The following DGCR2 variants were observed in gnomAD, a reference collection of about 807,000 sequenced individuals.
The protein encoded by DGCR2 is integral membrane protein DGCR2/IDD.
DGCR2 carries 24 observed loss-of-function variants against 51.6 expected under a neutral mutation model. That is an observed-to-expected ratio of 0.47 (90% CI 0.34 to 0.65). The LOEUF is 0.65. Ranked by LOEUF, DGCR2 falls within the 30% of genes least tolerant of loss-of-function variation. DGCR2 has a pLI of 0.01. For missense variants in DGCR2, 765 were observed against 772.1 expected (o/e 0.99, Z 0.11); for synonymous variants, 340 against 315.4 (o/e 1.08, Z -0.82).
At chr22:19,112,265 T>TC (rs1419614155) in intron 1 of DGCR2, among the ~76,000 whole-genome samples, 1 of 127,236 alleles carries the variant, frequency 7.9e-6, no homozygotes, top group African/African-American at 3.2e-5. Context: ...ACAGCAAGAC[T>TC]CCATCTTTTA....
At chr22:19,063,051 G>T (rs112644468) in intron 5 of DGCR2, 151 bp downstream of exon 5, 2 of 679,892 alleles carry the variant, frequency 2.9e-6, no homozygotes, top group South Asian at 1.8e-5. Context: ...CTGGCCCCAT[G>T]ACCGCAGCCC....
In DGCR2 at chr22:19,042,015, G is replaced by A. The variant is rs1047631212; in HGVS notation, c.1007-56C>T. On this transcript the variant is annotated intron_variant, in intron 7 of 9. Coordinates refer to ENST00000263196, the MANE Select transcript of DGCR2 (RefSeq NM_005137.3). ...GAGAAGGGGGCCACCCTCGTGCTAC[G>A]CTGGGGATGCTGTCGTCCTCCTGCC... is the stretch of plus-strand genomic sequence containing the variant. 2.0e-5 allele frequency: 31 copies of A among 1,559,394 alleles called. 1 individual carries two copies. The South Asian group carries it at 2.3e-4, about 11-fold the overall frequency.
At chr22:19,122,097 GC>G (rs1200330311) in intron 1 of DGCR2, 30 bp downstream of exon 1, 3 of 1,453,642 alleles carry the variant, frequency 2.1e-6, no homozygotes, top group Non-Finnish European at 2.7e-6. Flanking sequence ...TCGCCGCCCA[GC>G]CCCCACACCG....
chr22:19,089,851 G>A (rs1006044144), intron 1 of DGCR2, among the ~76,000 whole-genome samples: 1 of 152,240 alleles, frequency 6.6e-6, no homozygotes, highest in Admixed American at 6.5e-5. Context: ...GAAGTGCCAG[G>A]ATTACAGGCA....
At chr22:19,063,319 G>T (rs759637237) in intron 4 of DGCR2, 41 bp from the exon 5 acceptor site, 2 of 1,579,176 alleles carry the variant, frequency 1.3e-6, no homozygotes, top group South Asian at 1.1e-5. Context: ...TCAGCGGCAG[G>T]AGGGATGCAA....
At chr22:19,095,410 C>A (rs1025112409) in intron 1 of DGCR2, among the ~76,000 whole-genome samples, 1 of 151,990 alleles carries the variant, frequency 6.6e-6, no homozygotes, top group African/African-American at 2.4e-5. Flanking sequence ...ACCTGTAATC[C>A]CAGCACTTTG....
intron 1 of DGCR2, among the ~76,000 whole-genome samples, chr22:19,100,731 A>G (rs2083192611): frequency 6.6e-6 from 1 of 151,878 alleles, no homozygotes; most frequent in Non-Finnish European, 1.5e-5. Flanking sequence ...ACCTTAATAC[A>G]CTTAAAATTA....
intron 3 of DGCR2, among the ~76,000 whole-genome samples, chr22:19,065,453 G>A (rs2082737755): frequency 6.6e-6 from 1 of 152,184 alleles, no homozygotes; most frequent in Non-Finnish European, 1.5e-5. Context: ...TCCGCTGCCA[G>A]CTAGCTCACT....
chr22:19,069,868 G>C (rs189687195), intron 2 of DGCR2, among the ~76,000 whole-genome samples: 65 of 152,232 alleles, frequency 4.3e-4, no homozygotes, highest in Admixed American at 1.2e-3. Context: ...GTTGCTATTC[G>C]ACTGGGAATC....
intron 2 of DGCR2, among the ~76,000 whole-genome samples, chr22:19,068,779 T>C (rs1024378029): frequency 3.3e-5 from 5 of 152,246 alleles, no homozygotes; most frequent in African/African-American, 1.2e-4. Context: ...GTCTGGCTCT[T>C]TGGTGCTTGG....
At chr22:19,056,562 A>ACAC (rs1489358887) in intron 6 of DGCR2, 2 of 359,262 alleles carry the variant, frequency 5.6e-6, no homozygotes, top group East Asian at 1.2e-4. Flanking sequence ...AATAAAAAAA[A>ACAC]AAAAACACAC....
intron 2 of DGCR2, among the ~76,000 whole-genome samples, chr22:19,081,925 C>T (rs1178444774): frequency 2.0e-5 from 3 of 152,182 alleles, no homozygotes; most frequent in Non-Finnish European, 2.9e-5. Context: ...TCACCATCTA[C>T]GAAATGCTTT....
chr22:19,111,762 G>C (rs2083316554), intron 1 of DGCR2, among the ~76,000 whole-genome samples: 1 of 152,166 alleles, frequency 6.6e-6, no homozygotes, highest in South Asian at 2.1e-4. Flanking sequence ...CTGGTGGAAT[G>C]AGACCCTGTT....
At chr22:19,087,511 G>A (rs2083030436) in intron 2 of DGCR2, among the ~76,000 whole-genome samples, 1 of 152,064 alleles carries the variant, frequency 6.6e-6, no homozygotes, top group Non-Finnish European at 1.5e-5. Flanking sequence ...TGCCTCAGCT[G>A]GGATTACAGG....
rs1333824776 is a variant in DGCR2 at position 19,037,755 on chromosome 22, G to A, written c.*1110C>T. ...CAACAAAACCACTGCCCAGGAGCAG[G>A]CAACAGGGTCCGTCAGGCAAAAGGG... is the stretch of plus-strand genomic sequence containing the variant. On this transcript the variant is annotated 3_prime_UTR_variant, in exon 10 of 10. Transcript: ENST00000263196. 1 of 152,474 alleles carries A rather than the reference G, an allele frequency of 6.6e-6. No individual in the cohort carries two copies. Among genetic ancestry groups the A allele is most frequent in the African/African-American group, 2.4e-5 (1 of 41,454 alleles). The allele number at this position is 152,474 out of a possible 1,614,324, so 9.4% of individuals were successfully genotyped here.
intron 6 of DGCR2, among the ~76,000 whole-genome samples, chr22:19,051,520 G>A (rs1300075381): frequency 1.3e-5 from 2 of 152,112 alleles, no homozygotes; most frequent in Admixed American, 6.5e-5. Flanking sequence ...TAGGAGTTGC[G>A]TTTGAAGCCA....
chr22:19,090,877 C>T (rs2083070757), intron 1 of DGCR2, among the ~76,000 whole-genome samples: 2 of 151,758 alleles, frequency 1.3e-5, no homozygotes, highest in South Asian at 4.2e-4. Flanking sequence ...TTTAATTAAA[C>T]TTGCCTAATC....
chr22:19,110,499 C>G (rs2083302920), intron 1 of DGCR2, among the ~76,000 whole-genome samples: 1 of 152,072 alleles, frequency 6.6e-6, no homozygotes, highest in Non-Finnish European at 1.5e-5. Context: ...AGGACAAATA[C>G]CTAATGCATG....
At chr22:19,092,897 A>AGAGGAG (rs10570617) in intron 1 of DGCR2, among the ~76,000 whole-genome samples, 1 of 150,578 alleles carries the variant, frequency 6.6e-6, no homozygotes, top group Non-Finnish European at 1.5e-5. Context: ...AGAAAAATGA[A>AGAGGAG]GAGGAGGAGG....
Sources: gnomAD v4.1 joint callset for allele counts (sites outside exome capture counted in the v4.1 genomes callset) on GRCh38, gnomAD v4.1.1 for gene constraint, MANE v1.5 for transcripts, NCBI Gene and HGNC (gene_info 2026-07-23, HGNC 2026-07-21) for gene names.